The following SC5D variants were observed in gnomAD, a reference collection of about 807,000 sequenced individuals.
SC5D encodes the protein sterol-C5-desaturase.
SC5D carries 21 observed loss-of-function variants against 23.9 expected under a neutral mutation model. The ratio of observed to expected loss-of-function variants is 0.88; its 90% CI spans 0.62 to 1.26. The LOEUF (loss-of-function observed/expected upper bound fraction) is 1.26, where lower values mean the gene tolerates loss of function less well. SC5D is among the 50% of genes most tolerant of loss of function. SC5D has a pLI of 0.00. For synonymous variants in SC5D, 113 were observed against 125.9 expected (o/e 0.90, Z 0.68); for missense variants, 309 against 364.8 (o/e 0.85, Z 1.25).
chr11:121,298,617 G>C (rs539990424), intron 1 of SC5D, among the ~76,000 whole-genome samples: 2 of 152,302 alleles, frequency 1.3e-5, no homozygotes, highest in Admixed American at 6.5e-5. Context: ...AGGAGAAGCT[G>C]ATGTTGAAGA....
rs1214020724 is a variant in SC5D at position 121,312,365 on chromosome 11, T to G, written c.*4853T>G. Among the ~76,000 whole-genome samples the G allele has an allele frequency of 6.6e-6, 1 of 152,196 alleles. No homozygotes were observed. The highest frequency in any genetic ancestry group is 2.4e-5 in the African/African-American group (1 of 41,454). ...ACTTGAAGATATAAGAACAGTAAAT[T>G]TGATAAAAATGAGAAATTACATTCC... On this transcript the variant is annotated 3_prime_UTR_variant, in exon 5 of 5. Transcript: ENST00000264027.
In SC5D at chr11:121,311,875, C is replaced by A. The variant is rs368952145; in HGVS notation, c.*4363C>A. On this transcript the variant is annotated 3_prime_UTR_variant, in exon 5 of 5. Transcript: ENST00000264027. ...TTGTCATTTTACCTCCATAGGCCCTCAATAGAAATCAGTTGCAGAGGGCAG... is the reference window on the plus strand; with the variant it reads ...TTGTCATTTTACCTCCATAGGCCCTAAATAGAAATCAGTTGCAGAGGGCAG... 2.6e-5 allele frequency among the ~76,000 whole-genome samples: 4 copies of A among 152,286 alleles called. No individual in the cohort carries two copies. The East Asian group carries it at 7.7e-4, about 29-fold the overall frequency.
rs953883645 is a variant in SC5D, at chr11:121,313,172, C to A, written c.*5660C>A. 1.3e-5 allele frequency among the ~76,000 whole-genome samples: 2 copies of A among 152,164 alleles called. No individual in the cohort carries two copies. Among genetic ancestry groups the A allele is most frequent in the African/African-American group, 4.8e-5 (2 of 41,448 alleles). On this transcript the variant is annotated 3_prime_UTR_variant, in exon 5 of 5. Coordinates refer to ENST00000264027, the MANE Select transcript of SC5D (RefSeq NM_006918.5). ...GTTACTGGAAGGTTAGTTTTCTTCC[C>A]TGATTTAGAATTTCATATAAATTAA...
rs1004916918 is a variant in SC5D at position 121,311,339 on chromosome 11, C to G, written c.*3827C>G. ...CATTTTTTTATCATTTATTCATTAG[C>G]TGACATTTGCTAAGTGCTTTGGAGG... On this transcript the variant is annotated 3_prime_UTR_variant, in exon 5 of 5. Coordinates refer to ENST00000264027, the MANE Select transcript of SC5D (RefSeq NM_006918.5). Among the ~76,000 whole-genome samples the G allele has an allele frequency of 4.6e-5, 7 of 152,146 alleles. No homozygotes were observed. The highest frequency in any genetic ancestry group is 1.0e-4 in the Non-Finnish European group (7 of 68,012).
chr11:121,304,688 G>T, intron 3 of SC5D, 195 bp downstream of exon 3: 1 of 542,526 alleles, frequency 1.8e-6, no homozygotes, highest in Non-Finnish European at 3.3e-6. Context: ...CAATCTGAAA[G>T]TCTGCTGTAG....
intron 3 of SC5D, chr11:121,305,723 GAAAA>G (rs971689999): frequency 2.7e-5 from 4 of 149,586 alleles, no homozygotes; most frequent in Non-Finnish European, 5.9e-5. Flanking sequence ...AAAAAAAAAA[GAAAA>G]AAAAAGTCAG....
Position 121,306,371 on chromosome 11 carries a change from C to A in SC5D, c.344-15C>A. ...GCTGAGTTTTGATTCTTCTGTTTCC[C>A]GTTTTCTTTTCTAGGATTGTTTGAA... On this transcript the variant is annotated splice_polypyrimidine_tract_variant and intron_variant, in intron 3 of 4. Coordinates refer to ENST00000264027, the MANE Select transcript of SC5D (RefSeq NM_006918.5). 7.6e-7 allele frequency: 1 copy of A among 1,312,930 alleles called. No individual in the cohort carries two copies. Among genetic ancestry groups the A allele is most frequent in the Non-Finnish European group, 1.1e-6 (1 of 907,760 alleles). The allele number at this position is 1,312,930 out of a possible 1,614,324, so 81.3% of individuals were successfully genotyped here.
chr11:121,306,761 G>A, intron 4 of SC5D: 1 of 619,452 alleles, frequency 1.6e-6, no homozygotes, highest in Non-Finnish European at 2.9e-6. Context: ...GATGGGAGAG[G>A]AGTGAGGGAT....
chr11:121,296,709 G>A (rs1565566757), intron 1 of SC5D, among the ~76,000 whole-genome samples: 1 of 152,258 alleles, frequency 6.6e-6, no homozygotes, highest in Non-Finnish European at 1.5e-5. Flanking sequence ...TCATTACCTA[G>A]TGTGGTGCTT....
chr11:121,307,140 G>C lies in SC5D; in HGVS notation c.528G>C (p.Gln176His), dbSNP rs1947972089. ...HAFHPIDGFL[Q>H]SLPYHIYPFI... is the part of the protein sequence containing the mutation. Reference sequence around the variant, plus strand: ...TTCACCCTATTGATGGCTTTCTTCAGAGTCTACCTTACCATATATACCCTT... The same window carrying C: ...TTCACCCTATTGATGGCTTTCTTCACAGTCTACCTTACCATATATACCCTT... Residue 176 changes from glutamine (Q) to histidine (H), a missense_variant, in exon 5 of 5, where the codon CAG (glutamine) becomes CAC (histidine). Physicochemically the swap from Gln to His is conservative, Grantham distance 24 (BLOSUM62 0). Coordinates refer to ENST00000264027, the MANE Select transcript of SC5D (RefSeq NM_006918.5). The C allele has an allele frequency of 6.2e-7, 1 of 1,614,096 alleles. No homozygotes were observed. Among genetic ancestry groups the C allele is most frequent in the African/African-American group, 1.3e-5 (1 of 75,034 alleles).
Position 121,306,379 on chromosome 11 carries a change from T to C in SC5D, c.344-7T>C, listed in dbSNP as rs773318064. On this transcript the variant is annotated splice_region_variant and splice_polypyrimidine_tract_variant and intron_variant, in intron 3 of 4. Coordinates refer to ENST00000264027, the MANE Select transcript of SC5D (RefSeq NM_006918.5). Reference sequence around the variant, plus strand: ...TTGATTCTTCTGTTTCCCGTTTTCTTTTCTAGGATTGTTTGAACTTGTCGT... The same window carrying C: ...TTGATTCTTCTGTTTCCCGTTTTCTCTTCTAGGATTGTTTGAACTTGTCGT... The C allele has an allele frequency of 4.2e-6, 6 of 1,420,584 alleles. No individual in the cohort carries two copies. The South Asian group carries it at 6.9e-5, about 16-fold the overall frequency. 88.0% of individuals were successfully genotyped at this position (1,420,584 alleles called of 1,614,324 possible).
chr11:121,299,622 A>C (rs900091499), intron 1 of SC5D, among the ~76,000 whole-genome samples: 1 of 152,150 alleles, frequency 6.6e-6, no homozygotes, highest in African/African-American at 2.4e-5. Context: ...GGTCATGGTG[A>C]CTCATGCCTG....
rs539303419 is a variant in SC5D at position 121,294,498 on chromosome 11, C to CT, written c.-11+1685dup. On this transcript the variant is annotated intron_variant, in intron 1 of 4. Transcript: ENST00000264027. ...TCTATAAAATAATACTAGTACCTAC[C>CT]TTTGAGGCTTCTTGAAAGGGAAAAT... Among the ~76,000 whole-genome samples, 4 of 152,072 alleles carry CT rather than the reference C, an allele frequency of 2.6e-5. No individual in the cohort carries two copies. In the South Asian group the frequency reaches 8.3e-4, roughly 32 times the overall value.
rs572897636 is a variant in SC5D, at chr11:121,303,053, G to A, written c.-10-313G>A. ...ACCACTTGCCATGCTGCCATAGGAC[G>A]CGGTAGGGAATGACACTGAAATGGA... On this transcript the variant is annotated intron_variant, in intron 1 of 4. Transcript: ENST00000264027. 8.9e-4 allele frequency among the ~76,000 whole-genome samples: 136 copies of A among 152,260 alleles called. 3 individuals carry two copies. In the South Asian group the frequency reaches 0.022, roughly 25 times the overall value.
At chr11:121,294,105 T>C (rs1947872693) in intron 1 of SC5D, among the ~76,000 whole-genome samples, 1 of 152,220 alleles carries the variant, frequency 6.6e-6, no homozygotes, top group East Asian at 1.9e-4. Context: ...AAAAAGATAA[T>C]GGTAGACTGA....
rs1947948269 is a variant in SC5D at position 121,304,439 on chromosome 11, C to A, written c.289C>A (p.Leu97Met). 1 of 1,612,970 alleles carries A rather than the reference C, an allele frequency of 6.2e-7. No homozygotes were observed. The highest frequency in any genetic ancestry group is 8.5e-7 in the Non-Finnish European group (1 of 1,179,142). Residue 97 changes from leucine (L) to methionine (M), a missense_variant, in exon 3 of 5, where the codon CTG becomes ATG. Physicochemically the swap from Leu to Met is conservative, Grantham distance 15. Coordinates refer to ENST00000264027, the MANE Select transcript of SC5D (RefSeq NM_006918.5). The part of the protein sequence containing the change: ...ISILTVALFL[L>M]EIRGYSKLHD... ...TATTCTTACTGTTGCACTGTTCTTG[C>A]TGGAGATAAGAGGTTACAGCAAATT... is the stretch of plus-strand genomic sequence containing the variant.
chr11:121,309,273 G>C lies in SC5D; in HGVS notation c.*1761G>C, dbSNP rs1947991229. Among the ~76,000 whole-genome samples the C allele has an allele frequency of 6.6e-6, 1 of 152,178 alleles. No homozygotes were observed. The highest frequency in any genetic ancestry group is 2.4e-5 in the African/African-American group (1 of 41,434). ...CCCTCTTTGTTGAAAGAGCACATAG[G>C]AAAAGAAGGAAAAGTCTGTGTGGAA... On this transcript the variant is annotated 3_prime_UTR_variant, in exon 5 of 5. Transcript: ENST00000264027.
At chr11:121,299,609 G>A (rs1314815146) in intron 1 of SC5D, among the ~76,000 whole-genome samples, 1 of 152,146 alleles carries the variant, frequency 6.6e-6, no homozygotes, top group East Asian at 1.9e-4. Flanking sequence ...TTTGATATGA[G>A]CTGGTCATGG....
chr11:121,304,364 C>T lies in SC5D; in HGVS notation c.214C>T (p.Gln72Ter), dbSNP rs753911880. 16 of 1,613,170 alleles carry T rather than the reference C, an allele frequency of 9.9e-6. No homozygotes were observed. Among genetic ancestry groups the T allele is most frequent in the Non-Finnish European group, 1.4e-5 (16 of 1,179,430 alleles). Residue 72 changes from glutamine to a stop codon, truncating the protein, a stop_gained, in exon 3 of 5, where the codon CAA (glutamine) becomes TAA (stop). Transcript: ENST00000264027. LOFTEE classifies it high-confidence loss of function. ...GTATTGGAAATTTCACTTTCAGAATCAAGTCCGTCGAGAGATTAAGTTTAC... is the reference window on the plus strand; with the variant it reads ...GTATTGGAAATTTCACTTTCAGAATTAAGTCCGTCGAGAGATTAAGTTTAC... Reference protein sequence around the residue: ...LMKHPQFLKNQVRREIKFTVQ... With the variant: ...LMKHPQFLKN
Sources: gnomAD v4.1 joint callset for allele counts (sites outside exome capture counted in the v4.1 genomes callset) on GRCh38, gnomAD v4.1.1 for gene constraint, MANE v1.5 for transcripts, NCBI Gene and HGNC (gene_info 2026-07-23, HGNC 2026-07-21) for gene names.